The following WWC1 variants were observed in gnomAD, a reference collection of about 807,000 sequenced individuals.
WWC1 encodes the protein protein KIBRA.
A neutral mutation model predicts 138.4 loss-of-function variants in WWC1; 55 were observed. That is an observed-to-expected ratio of 0.40 (90% CI 0.32 to 0.50). WWC1 has a LOEUF of 0.50. Among genes scored for constraint, WWC1 ranks in the 20% least tolerant of loss-of-function variants. The pLI is 0.72. For missense variants in WWC1, 1,226 were observed against 1,420.4 expected, an observed-to-expected ratio of 0.86 and a Z score of 2.20; for synonymous variants, 524 against 564.9, an observed-to-expected ratio of 0.93 and a Z score of 1.03.
chr5:168,441,779 G>A lies in WWC1; in HGVS notation c.2378G>A (p.Ser793Asn), dbSNP rs548498353. Residue 793 changes from serine to asparagine, a missense_variant, in exon 16 of 23, where the codon AGC (serine) becomes AAC (asparagine). Ser to Asn is a conservative substitution (Grantham distance 46). This residue lies in a region of WWC1 where 1,016 missense variants were observed against 1,153.9 expected (regional missense o/e 0.88). Coordinates refer to ENST00000265293, the MANE Select transcript of WWC1 (RefSeq NM_015238.3). ...AGCTACAAATACTTGAAGAAACAGA[G>A]CAGGGAGCTCAAGCCAGTGGGAGTC... ...LLSYKYLKKQ[S>N]RELKPVGVMA... is the part of the protein sequence containing the mutation. The A allele has an allele frequency of 2.3e-5, 37 of 1,614,184 alleles. No homozygotes were observed. The South Asian group carries it at 3.7e-4, about 16-fold the overall frequency.
At chr5:168,340,169 G>A (rs941084709) in intron 1 of WWC1, among the ~76,000 whole-genome samples, 2 of 151,810 alleles carry the variant, frequency 1.3e-5, no homozygotes, top group African/African-American at 2.4e-5. Flanking sequence ...TCCACCTCCC[G>A]GGTTCAAGTG....
At chr5:168,359,135 A>G (rs1384104260) in intron 1 of WWC1, among the ~76,000 whole-genome samples, 1 of 151,746 alleles carries the variant, frequency 6.6e-6, no homozygotes, top group Non-Finnish European at 1.5e-5. Context: ...GGTTCACTGC[A>G]ACCTCTACTT....
intron 2 of WWC1, among the ~76,000 whole-genome samples, chr5:168,373,719 TAAAAAAAAAA>T (rs368930085): frequency 0.12 from 6,228 of 52,556 alleles, 711 homozygotes; most frequent in East Asian, 0.42. Context: ...CCTTGTCTCT[TAAAAAAAAAA>T]AAAAAAAAAA....
Position 168,299,583 on chromosome 5 carries a change from C to T in WWC1, c.119+7312C>T, listed in dbSNP as rs1296253150. Among the ~76,000 whole-genome samples the T allele has an allele frequency of 3.9e-5, 6 of 152,198 alleles. No individual in the cohort carries two copies. The East Asian group carries it at 1.2e-3, about 29-fold the overall frequency. On this transcript the variant is annotated intron_variant, in intron 1 of 22. Coordinates refer to ENST00000265293, the MANE Select transcript of WWC1 (RefSeq NM_015238.3). ...CCGTTCCTCTCTGTCGCCATCCCTC[C>T]CCCTCCCGGGGAGAGGGCTTATCCA...
chr5:168,334,263 C>T (rs924693849), intron 1 of WWC1, among the ~76,000 whole-genome samples: 2 of 151,764 alleles, frequency 1.3e-5, no homozygotes, highest in Admixed American at 6.6e-5. Flanking sequence ...CTCTTCTCTC[C>T]CTAACGTGGC....
At chr5:168,384,069 CATATT>C (rs1396715999) in intron 2 of WWC1, among the ~76,000 whole-genome samples, 1 of 152,144 alleles carries the variant, frequency 6.6e-6, no homozygotes, top group African/African-American at 2.4e-5. Context: ...TTATGACCTG[CATATT>C]ATAAGTACCT....
intron 3 of WWC1, among the ~76,000 whole-genome samples, chr5:168,392,166 A>C (rs1174855281): frequency 6.6e-6 from 1 of 152,140 alleles, no homozygotes; most frequent in Non-Finnish European, 1.5e-5. Context: ...TCTAGGACAC[A>C]AGCAAATTCA....
At chr5:168,442,201 G>T (rs1431253247) in intron 16 of WWC1, among the ~76,000 whole-genome samples, 1 of 152,154 alleles carries the variant, frequency 6.6e-6, no homozygotes, top group Non-Finnish European at 1.5e-5. Flanking sequence ...CATACTGGAG[G>T]CTTTGTATAA....
intron 14 of WWC1, among the ~76,000 whole-genome samples, chr5:168,430,442 CTG>C (rs1424180854): frequency 6.6e-6 from 1 of 152,196 alleles, no homozygotes; most frequent in Non-Finnish European, 1.5e-5. Context: ...CTCTAGATGA[CTG>C]TGTGAATTCC....
chr5:168,468,000 C>T (rs1453938798), intron 22 of WWC1, 36 bp downstream of exon 22: 2 of 1,612,418 alleles, frequency 1.2e-6, no homozygotes, highest in Non-Finnish European at 1.7e-6. Flanking sequence ...CCATCCCTTT[C>T]TCAGCCAACC....
chr5:168,398,752 G>A (rs1779096094), intron 4 of WWC1, among the ~76,000 whole-genome samples: 1 of 152,160 alleles, frequency 6.6e-6, no homozygotes, highest in African/African-American at 2.4e-5. Flanking sequence ...CTGGGGGTGA[G>A]GCAGTAGAGA....
chr5:168,361,940 G>A (rs1290231049), intron 1 of WWC1, among the ~76,000 whole-genome samples: 3 of 152,154 alleles, frequency 2.0e-5, no homozygotes, highest in East Asian at 1.9e-4. Flanking sequence ...AAAATTAGCC[G>A]GGCATGGTGG....
chr5:168,396,439 C>T (rs1778912142), intron 3 of WWC1, among the ~76,000 whole-genome samples: 1 of 152,146 alleles, frequency 6.6e-6, no homozygotes, highest in African/African-American at 2.4e-5. Context: ...GATTTGGCTA[C>T]ATGTGAACAG....
intron 5 of WWC1, among the ~76,000 whole-genome samples, chr5:168,402,413 A>T (rs951845595): frequency 6.6e-5 from 10 of 152,142 alleles, no homozygotes; most frequent in African/African-American, 2.4e-4. Context: ...AAAACTAGGG[A>T]TTGTAAAGAT....
At chr5:168,384,713 CT>C (rs762052940) in intron 2 of WWC1, among the ~76,000 whole-genome samples, 23,515 of 98,240 alleles carry the variant, frequency 0.24, 1,334 homozygotes, top group South Asian at 0.35. Flanking sequence ...CTGGTTTATT[CT>C]TTTTTTTTTT....
chr5:168,467,482 G>A (rs1005099497), intron 21 of WWC1, among the ~76,000 whole-genome samples: 4 of 152,160 alleles, frequency 2.6e-5, no homozygotes, highest in Non-Finnish European at 5.9e-5. Context: ...TTAGTAGTCT[G>A]ACATTAAAGA....
intron 17 of WWC1, among the ~76,000 whole-genome samples, chr5:168,446,310 A>G (rs556224332): frequency 2.0e-5 from 3 of 150,356 alleles, no homozygotes; most frequent in African/African-American, 2.4e-5. Flanking sequence ...TGCCGAAGAG[A>G]GACTTTCTCC....
At chr5:168,298,615 G>A (rs775827153) in intron 1 of WWC1, among the ~76,000 whole-genome samples, 2 of 152,142 alleles carry the variant, frequency 1.3e-5, no homozygotes, top group Non-Finnish European at 2.9e-5. Context: ...ATAATAGGGA[G>A]AAGCAAGAGA....
chr5:168,400,100 C>T (rs982268311), intron 5 of WWC1, among the ~76,000 whole-genome samples: 6 of 150,616 alleles, frequency 4.0e-5, no homozygotes, highest in African/African-American at 1.5e-4. Context: ...GGATAACTTT[C>T]ACCAAATGTA....
Sources: gnomAD v4.1 joint callset for allele counts (sites outside exome capture counted in the v4.1 genomes callset) on GRCh38, gnomAD v4.1.1 for gene constraint, gnomAD v4.1.1 regional missense constraint, MANE v1.5 for transcripts, NCBI Gene and HGNC (gene_info 2026-07-23, HGNC 2026-07-21) for gene names.